The following CLEC12B variants were observed in gnomAD, a reference collection of about 807,000 sequenced individuals.
The protein encoded by CLEC12B is macrophage antigen h.
In CLEC12B, 25 loss-of-function variants were observed where a neutral mutation model predicts 36.1. The ratio of observed to expected loss-of-function variants is 0.69; its 90% CI spans 0.50 to 0.97. The LOEUF (loss-of-function observed/expected upper bound fraction) is 0.97, where lower values mean the gene tolerates loss of function less well. Ranked by LOEUF, CLEC12B falls within the 50% of genes least tolerant of loss-of-function variation. The pLI is 0.00. For synonymous variants in CLEC12B, 110 were observed against 108.5 expected, an observed-to-expected ratio of 1.01 and a Z score of -0.09; for missense variants, 325 against 318.4, an observed-to-expected ratio of 1.02 and a Z score of -0.16.
At chr12:10,016,116 C>T in intron 5 of CLEC12B, 1 of 294,342 alleles carries the variant, frequency 3.4e-6, no homozygotes, top group Non-Finnish European at 5.1e-6. Flanking sequence ...GGATTGTGCA[C>T]TCAGTCACTC....
chr12:10,010,196 T>A (rs1468876156), upstream of CLEC12B, among the ~76,000 whole-genome samples: 1,241 of 67,328 alleles, frequency 0.018, 5 homozygotes, highest in Non-Finnish European at 0.032. Context: ...TCTCTGTCTC[T>A]CTCTCACACA....
Position 10,014,583 on chromosome 12 carries a change from C to T in CLEC12B, c.251C>T (p.Thr84Ile). Residue 84 changes from threonine (T) to isoleucine (I), a missense_variant, in exon 3 of 6, where the codon ACC becomes ATC. Physicochemically the swap from Thr to Ile is moderately conservative, Grantham distance 89. Transcript: ENST00000338896. ...GAGAAATTGAGTCAACTTCAGAAAA[C>T]CATCCAACAGCAGCAGGATAACTTA... ...DSEKLSQLQK[T>I]IQQQQDNLSQ... 1 of 1,613,770 alleles carries T rather than the reference C, an allele frequency of 6.2e-7. No homozygotes were observed. The highest frequency in any genetic ancestry group is 1.1e-5 in the South Asian group (1 of 91,076).
At position 10,015,848 on chromosome 12, in the gene CLEC12B, A is replaced by G. The variant is rs918164327; in HGVS notation, c.680+121A>G. 24 of 1,510,400 alleles carry G rather than the reference A, an allele frequency of 1.6e-5. No individual in the cohort carries two copies. In the Admixed American group the frequency reaches 3.7e-4, roughly 23 times the overall value. 93.6% of individuals were successfully genotyped at this position (1,510,400 alleles called of 1,614,324 possible). On this transcript the variant is annotated intron_variant, in intron 5 of 5. Transcript: ENST00000338896. ...GAGGAGTACAACATACTGAGAAAAG[A>G]GCTCCAGTAACAAATATTGAAAGGA... is the stretch of plus-strand genomic sequence containing the variant.
chr12:10,011,644 T>A (rs1865329610), intron 1 of CLEC12B, among the ~76,000 whole-genome samples: 1 of 152,178 alleles, frequency 6.6e-6, no homozygotes, highest in African/African-American at 2.4e-5. Context: ...ATTTAATATA[T>A]AAGACCACAT....
chr12:10,018,181 T>A, intron 5 of CLEC12B, 150 bp from the exon 6 acceptor site: 1 of 641,576 alleles, frequency 1.6e-6, no homozygotes, highest in Non-Finnish European at 2.3e-6. Flanking sequence ...TTGTGCCAGC[T>A]TTAGGCAGCT....
Position 10,010,786 on chromosome 12 carries a change from A to G in CLEC12B, c.27A>G (p.Thr9=). ...TGTCTGAAGAAGTGACCTACGCGAC[A>G]CTCACATTTCAGGATTCTGCTGGAG... MSEEVTYA[T]LTFQDSAGAR... The change falls in exon 1 of 6, where the codon ACA becomes ACG. Residue 9 remains threonine, a synonymous_variant. Coordinates refer to ENST00000338896, the MANE Select transcript of CLEC12B (RefSeq NM_001129998.3). 1 of 1,609,290 alleles carries G rather than the reference A, an allele frequency of 6.2e-7. No individual in the cohort carries two copies. Among genetic ancestry groups the G allele is most frequent in the Non-Finnish European group, 8.5e-7 (1 of 1,175,864 alleles).
At chr12:10,008,180 C>A (rs1251466712), upstream of CLEC12B, among the ~76,000 whole-genome samples, 2 of 152,206 alleles carry the variant, frequency 1.3e-5, no homozygotes, top group Non-Finnish European at 2.9e-5. Context: ...CCAATGCCAC[C>A]TGTGGCTGTT....
upstream of CLEC12B, among the ~76,000 whole-genome samples, chr12:10,008,990 CGTAAAACGCACCGATCAGCGCTCT>C (rs1485192371): frequency 1.3e-5 from 2 of 152,030 alleles, no homozygotes; most frequent in African/African-American, 2.4e-5. Flanking sequence ...ATCAGTGCCA[CGTAAAACGCACCGATCAGCGCTCT>C]GTAAAACGCA....
Position 10,017,224 on chromosome 12 carries a change from T to C in CLEC12B, c.681-1107T>C, listed in dbSNP as rs548796099. 4.8e-5 allele frequency: 47 copies of C among 985,300 alleles called. 1 individual carries two copies. In the South Asian group the frequency reaches 1.4e-3, roughly 29 times the overall value. 61.0% of individuals were successfully genotyped at this position (985,300 alleles called of 1,614,324 possible). A position where few individuals can be genotyped will look rare whatever the true frequency, so the allele number is the denominator to read the frequency against. On this transcript the variant is annotated intron_variant, in intron 5 of 5. Coordinates refer to ENST00000338896, the MANE Select transcript of CLEC12B (RefSeq NM_001129998.3). ...CAAGTCAATTAGTTTGGTTTCACAC[T>C]AATAATAATGACAAAAAGCACATGC...
upstream of CLEC12B, among the ~76,000 whole-genome samples, chr12:10,006,963 G>A (rs1436204821): frequency 1.3e-5 from 2 of 152,018 alleles, no homozygotes; most frequent in Non-Finnish European, 2.9e-5. Flanking sequence ...GCTGAGGCAG[G>A]GGAATGGCAT....
chr12:10,010,875 G>A lies in CLEC12B; in HGVS notation c.91+25G>A, dbSNP rs1865312516. ...GGTAGGAGTTCAGAGAAGACCAGCT[G>A]TGTCCTTGGGGGAGTGGACAGGTGT... On this transcript the variant is annotated intron_variant, in intron 1 of 5. Coordinates refer to ENST00000338896, the MANE Select transcript of CLEC12B (RefSeq NM_001129998.3). The A allele has an allele frequency of 2.7e-6, 4 of 1,497,404 alleles. No individual in the cohort carries two copies. In the South Asian group the frequency reaches 4.6e-5, roughly 17 times the overall value. The allele number at this position is 1,497,404 out of a possible 1,614,324, so 92.8% of individuals were successfully genotyped here. A position where few individuals can be genotyped will look rare whatever the true frequency, so the allele number is the denominator to read the frequency against.
chr12:10,012,948 C>A, intron 2 of CLEC12B, 65 bp downstream of exon 2: 1 of 1,203,654 alleles, frequency 8.3e-7, no homozygotes, highest in South Asian at 1.2e-5. Flanking sequence ...CATGTACTTT[C>A]AGCTTGGATT....
upstream of CLEC12B, among the ~76,000 whole-genome samples, chr12:10,009,424 C>A (rs1030409811): frequency 7.9e-5 from 12 of 152,076 alleles, no homozygotes; most frequent in African/African-American, 2.9e-4. Context: ...TGTCAATGGT[C>A]TCTGCCTTTT....
chr12:10,006,255 G>A (rs955212584), upstream of CLEC12B, among the ~76,000 whole-genome samples: 1 of 152,154 alleles, frequency 6.6e-6, no homozygotes, highest in Non-Finnish European at 1.5e-5. Flanking sequence ...TGTTAAGCTA[G>A]AAAATCCTAT....
At chr12:10,013,689 A>G (rs1865397116) in intron 2 of CLEC12B, among the ~76,000 whole-genome samples, 1 of 152,150 alleles carries the variant, frequency 6.6e-6, no homozygotes, top group African/African-American at 2.4e-5. Context: ...TGCTACATTC[A>G]TTTCTTTTTA....
intron 2 of CLEC12B, 133 bp downstream of exon 2, chr12:10,013,016 C>T: frequency 1.4e-6 from 1 of 689,692 alleles, no homozygotes; most frequent in Admixed American, 2.6e-5. Context: ...TCATATCTCT[C>T]CTATTCGTCA....
upstream of CLEC12B, among the ~76,000 whole-genome samples, chr12:10,007,704 T>C (rs1865247398): frequency 1.3e-5 from 2 of 152,222 alleles, no homozygotes; most frequent in South Asian, 4.1e-4. Flanking sequence ...AAACGTAAGA[T>C]AAAACCAGTT....
At chr12:10,017,889 A>G in intron 5 of CLEC12B, 2 of 967,120 alleles carry the variant, frequency 2.1e-6, no homozygotes, top group Non-Finnish European at 2.5e-6. Flanking sequence ...CCCACCACAT[A>G]TGTATAACTA....
At chr12:10,011,459 C>T (rs576212034) in intron 1 of CLEC12B, among the ~76,000 whole-genome samples, 1 of 152,014 alleles carries the variant, frequency 6.6e-6, no homozygotes, top group East Asian at 1.9e-4. Context: ...CAATAATATT[C>T]GAATATTAGT....
Sources: allele counts gnomAD v4.1 joint callset (sites outside exome capture counted in the v4.1 genomes callset), GRCh38; gene constraint gnomAD v4.1.1; transcripts MANE v1.5; gene names NCBI Gene and HGNC (gene_info 2026-07-23, HGNC 2026-07-21).